The following RIOK3 variants were observed in gnomAD, a reference collection of about 807,000 sequenced individuals.
RIOK3 encodes RIO kinase 3, also known as serine/threonine-protein kinase RIO3.
In RIOK3, 40 loss-of-function variants were observed where a neutral mutation model predicts 63.5. The ratio of observed to expected loss-of-function variants is 0.63; its 90% CI spans 0.49 to 0.82. The LOEUF is 0.82. Among genes scored for constraint, RIOK3 ranks in the 40% least tolerant of loss-of-function variants. The probability of loss-of-function intolerance (pLI) is 0.00; values close to 1 mark genes in which losing one functional copy is unlikely to be tolerated. For missense variants in RIOK3, 557 were observed against 637.0 expected, an observed-to-expected ratio of 0.87 and a Z score of 1.35; for synonymous variants, 193 against 205.0, an observed-to-expected ratio of 0.94 and a Z score of 0.50.
chr18:23,462,329 TG>T (rs898903000), intron 1 of RIOK3, among the ~76,000 whole-genome samples: 82 of 151,780 alleles, frequency 5.4e-4, no homozygotes, highest in African/African-American at 1.7e-3. Flanking sequence ...CTGGTAGAGA[TG>T]GGGTTTCACC....
At chr18:23,463,108 A>G (rs757075368) in intron 2 of RIOK3, 29 bp downstream of exon 2, 1 of 1,362,006 alleles carries the variant, frequency 7.3e-7, no homozygotes, top group South Asian at 1.2e-5. Context: ...TACTTTATCT[A>G]GCAACTTATA....
chr18:23,481,338 A>G lies in RIOK3; in HGVS notation c.*59A>G. 1.9e-6 allele frequency: 2 copies of G among 1,071,756 alleles called. No individual in the cohort carries two copies. The highest frequency in any genetic ancestry group is 2.7e-6 in the Non-Finnish European group (2 of 736,210). 66.4% of individuals were successfully genotyped at this position (1,071,756 alleles called of 1,614,324 possible). A position where few individuals can be genotyped will look rare whatever the true frequency, so the allele number is the denominator to read the frequency against. ...AGTGATTGTCAGCTGCCAATAGCAA[A>G]TGAAGTTATGGGTGACTTGAAATAC... On this transcript the variant is annotated 3_prime_UTR_variant, in exon 13 of 13. Coordinates refer to ENST00000339486, the MANE Select transcript of RIOK3 (RefSeq NM_003831.5).
intron 7 of RIOK3, among the ~76,000 whole-genome samples, chr18:23,469,304 CCTCTCTCTCTCT>C (rs376929343): frequency 0.072 from 1,391 of 19,244 alleles, 72 homozygotes; most frequent in East Asian, 0.17. Context: ...TTTCTTTCTT[CCTCTCTCTCTCT>C]CTCTCTCTCT....
chr18:23,462,992 T>C lies in RIOK3; in HGVS notation c.92T>C (p.Ile31Thr). ...KCPWAIPQNT[I>T]SCSLADVMSE... ...CCATGGGCTATTCCTCAAAATACAA[T>C]ATCTTGTTCTTTGGCTGATGTAATG... The change falls in exon 2 of 13, where the codon ATA becomes ACA. Residue 31 changes from isoleucine (I) to threonine (T), a missense_variant. Transcript: ENST00000339486. The C allele has an allele frequency of 6.3e-7, 1 of 1,597,044 alleles. No homozygotes were observed. The highest frequency in any genetic ancestry group is 1.8e-5 in the Admixed American group (1 of 56,638).
In RIOK3 at chr18:23,464,066, T is replaced by C. The variant is rs768240016; in HGVS notation, c.279T>C (p.Asp93=). ...AGATGGAATATGACAGAGAATATGA[T>C]GCACAGCTTAGGCGTGAAGAAAAAA... The part of the protein sequence containing the change: ...MLQMEYDREY[D]AQLRREEKKF... Residue 93 remains aspartate, a synonymous_variant, in exon 3 of 13, where the codon GAT becomes GAC. Coordinates refer to ENST00000339486, the MANE Select transcript of RIOK3 (RefSeq NM_003831.5). 1.2e-6 allele frequency: 2 copies of C among 1,613,590 alleles called. No homozygotes were observed. Among genetic ancestry groups the C allele is most frequent in the South Asian group, 2.2e-5 (2 of 90,966 alleles).
Position 23,464,559 on chromosome 18 carries a change from A to C in RIOK3, c.474A>C (p.Lys158Asn). The C allele has an allele frequency of 6.2e-7, 1 of 1,607,864 alleles. No homozygotes were observed. The highest frequency in any genetic ancestry group is 8.5e-7 in the Non-Finnish European group (1 of 1,178,436). The change falls in exon 5 of 13, where the codon AAA becomes AAC. Residue 158 changes from lysine (K) to asparagine (N), a missense_variant. Physicochemically the swap from Lys to Asn is moderately conservative, Grantham distance 94. Transcript: ENST00000339486. The stretch of plus-strand genomic sequence containing the variant: ...CTCCTAAAAAGGGCTTTATTGGAAA[A>C]GGAAAAGATATCACCACCAAACATG... ...VPTPKKGFIG[K>N]GKDITTKHDE...
At chr18:23,476,881 C>A in intron 9 of RIOK3, 125 bp from the exon 10 acceptor site, 1 of 707,240 alleles carries the variant, frequency 1.4e-6, no homozygotes, top group South Asian at 1.8e-5. Context: ...CACTGCACTC[C>A]AGCCTGGGCG....
chr18:23,463,534 C>T (rs924694233), intron 2 of RIOK3, among the ~76,000 whole-genome samples: 1 of 151,682 alleles, frequency 6.6e-6, no homozygotes, highest in Non-Finnish European at 1.5e-5. Flanking sequence ...CTCAGCCTCT[C>T]GAGTAGCTGG....
chr18:23,472,689 C>T (rs758136927), intron 7 of RIOK3, among the ~76,000 whole-genome samples: 10 of 152,192 alleles, frequency 6.6e-5, no homozygotes, highest in Non-Finnish European at 1.2e-4. Flanking sequence ...CAGAAACCCT[C>T]GCGATTCCCC....
At chr18:23,462,139 G>A (rs1304504185) in intron 1 of RIOK3, among the ~76,000 whole-genome samples, 1 of 62,830 alleles carries the variant, frequency 1.6e-5, no homozygotes, top group African/African-American at 6.8e-5. Context: ...GTTTGTTCTT[G>A]CTATTTTTTT....
chr18:23,466,581 C>T (rs2057409419), intron 6 of RIOK3, among the ~76,000 whole-genome samples: 1 of 151,172 alleles, frequency 6.6e-6, no homozygotes, highest in South Asian at 2.1e-4. Flanking sequence ...TCCCAGCTAC[C>T]CGGGGGGCTG....
chr18:23,458,671 C>T lies in RIOK3; in HGVS notation c.64-4293C>T, dbSNP rs80165627. ...ATCTTGTTAGATTTTTTACAAAAAG[C>T]GGTTTACTGAAGAGTCACAGATGAC... On this transcript the variant is annotated intron_variant, in intron 1 of 12. Transcript: ENST00000339486. 5.8e-4 allele frequency among the ~76,000 whole-genome samples: 89 copies of T among 152,268 alleles called. No individual in the cohort carries two copies. The East Asian group carries it at 0.015, about 26-fold the overall frequency.
chr18:23,468,449 C>G (rs542732816), intron 7 of RIOK3, among the ~76,000 whole-genome samples: 1 of 151,802 alleles, frequency 6.6e-6, no homozygotes, highest in Admixed American at 6.6e-5. Context: ...ATTACAGGCA[C>G]GCACCACCAC....
chr18:23,464,269 A>C lies in RIOK3; in HGVS notation c.389A>C (p.Asp130Ala), dbSNP rs535903948. The change falls in exon 4 of 13, where the codon GAT becomes GCT. Residue 130 changes from aspartate (D) to alanine (A), a missense_variant. Physicochemically the swap from Asp to Ala is moderately radical, Grantham distance 126. Transcript: ENST00000339486. ...TATGAAGACAGCGATAGCTCTGAAG[A>C]TGAGGTTGACTGGCAGGATACTCGT... ...HPYEDSDSSE[D>A]EVDWQDTRDD... 416 of 1,614,176 alleles carry C rather than the reference A, an allele frequency of 2.6e-4. 8 individuals are homozygous for C. The South Asian group carries it at 3.9e-3, about 15-fold the overall frequency.
At chr18:23,479,158 T>C in intron 11 of RIOK3, 159 bp from the exon 12 acceptor site, 1 of 535,812 alleles carries the variant, frequency 1.9e-6, no homozygotes, top group Non-Finnish European at 3.4e-6. Flanking sequence ...TTATTCCTAA[T>C]GATTCTGCCT....
chr18:23,461,967 A>G (rs957316445), intron 1 of RIOK3, among the ~76,000 whole-genome samples: 74 of 150,810 alleles, frequency 4.9e-4, no homozygotes, highest in African/African-American at 1.6e-3. Flanking sequence ...GCTTATGCCT[A>G]TAATCCCAGC....
intron 8 of RIOK3, among the ~76,000 whole-genome samples, chr18:23,473,910 C>T (rs966358165): frequency 6.6e-6 from 1 of 152,126 alleles, no homozygotes. Flanking sequence ...TCCAATTAGG[C>T]TTAGCATAAA....
In RIOK3 at chr18:23,481,473, C is replaced by T; in HGVS notation, c.*194C>T. ...CATTGAGAGAATAAAATGTCACTAC[C>T]TCTCATCTTATGAACAGGATAATAT... On this transcript the variant is annotated 3_prime_UTR_variant, in exon 13 of 13. Coordinates refer to ENST00000339486, the MANE Select transcript of RIOK3 (RefSeq NM_003831.5). 4 of 478,628 alleles carry T rather than the reference C, an allele frequency of 8.4e-6. No homozygotes were observed. The highest frequency in any genetic ancestry group is 1.5e-5 in the Non-Finnish European group (4 of 273,076). 29.6% of individuals were successfully genotyped at this position (478,628 alleles called of 1,614,324 possible). A position where few individuals can be genotyped will look rare whatever the true frequency, so the allele number is the denominator to read the frequency against.
chr18:23,463,409 CTTTT>C (rs5823391), intron 2 of RIOK3: 4 of 134,986 alleles, frequency 3.0e-5, no homozygotes, highest in South Asian at 4.5e-4. Flanking sequence ...TCCAGACTTT[CTTTT>C]TTTTTTTTTT....
Sources: allele counts gnomAD v4.1 joint callset (sites outside exome capture counted in the v4.1 genomes callset), GRCh38; gene constraint gnomAD v4.1.1; transcripts MANE v1.5; gene names NCBI Gene and HGNC (gene_info 2026-07-23, HGNC 2026-07-21).